Variants in COL1A2 observed in about 807,000 individuals in gnomAD.
COL1A2 encodes collagen alpha-2(I) chain.
COL1A2 carries 49 observed loss-of-function variants against 174.3 expected under a neutral mutation model. The ratio of observed to expected loss-of-function variants is 0.28; its 90% CI spans 0.22 to 0.36. The LOEUF (loss-of-function observed/expected upper bound fraction) is 0.36. COL1A2 is among the 10% of genes least tolerant of loss of function. The probability of loss-of-function intolerance (pLI) is 1.00; values close to 1 mark genes in which losing one functional copy is unlikely to be tolerated. For synonymous variants in COL1A2, 655 were observed against 606.6 expected (o/e 1.08, Z -1.17); for missense variants, 1,438 against 1,822.7 (o/e 0.79, Z 3.84).
At chr7:94,422,243 T>G (rs1330935245) in intron 39 of COL1A2, among the ~76,000 whole-genome samples, 1 of 151,912 alleles carries the variant, frequency 6.6e-6, no homozygotes, top group Non-Finnish European at 1.5e-5. Flanking sequence ...ATATCAGATA[T>G]TTCTATATCT....
chr7:94,409,977 G>T (rs144258737), intron 19 of COL1A2, among the ~76,000 whole-genome samples, 156 bp downstream of exon 19: 2 of 151,842 alleles, frequency 1.3e-5, no homozygotes, highest in South Asian at 4.2e-4. Context: ...GTACACTCCC[G>T]TCTGCTATAT....
chr7:94,428,526 A>G, intron 50 of COL1A2, 49 bp downstream of exon 50: 2 of 1,534,412 alleles, frequency 1.3e-6, no homozygotes, highest in East Asian at 2.3e-5. Flanking sequence ...ATATTTTGGT[A>G]GGACTGTTTG....
In COL1A2 at chr7:94,426,444, G is replaced by A. The variant is rs779934676; in HGVS notation, c.3019G>A (p.Asp1007Asn). The change falls in exon 46 of 52, where the codon GAT becomes AAT. Residue 1007 changes from aspartate (D) to asparagine (N), a missense_variant. Asp to Asn is a conservative substitution (Grantham distance 23). Around this residue, in one of 3 missense-constraint regions of COL1A2, gnomAD observed 867 missense variants for 1,213.7 expected, o/e 0.71. Coordinates refer to ENST00000297268, the MANE Select transcript of COL1A2 (RefSeq NM_000089.4). The stretch of plus-strand genomic sequence containing the variant: ...ATAGGGCCCACAAGGCATTCGTGGC[G>A]ATAAGGGAGAGCCCGGTGAAAAGGG... ...GPSGPQGIRG[D>N]KGEPGEKGPR... is the part of the protein sequence containing the mutation. 2.4e-5 allele frequency: 38 copies of A among 1,602,838 alleles called. No individual in the cohort carries two copies. The highest frequency in any genetic ancestry group is 6.7e-5 in the East Asian group (3 of 44,514).
intron 5 of COL1A2, among the ~76,000 whole-genome samples, chr7:94,401,203 C>T (rs1269744901): frequency 6.6e-6 from 1 of 152,114 alleles, no homozygotes; most frequent in Non-Finnish European, 1.5e-5. Context: ...TCCTCTTGAG[C>T]TCTGTCTAAT....
chr7:94,400,114 G>A lies in COL1A2; in HGVS notation c.133-82G>A, dbSNP rs377483831. On this transcript the variant is annotated intron_variant, in intron 4 of 51. Transcript: ENST00000297268. ...ACCCTACTTGCACATAGAAAGGTCT[G>A]AACAACTGATCTTACCACATATAAT... 5.6e-5 allele frequency: 74 copies of A among 1,326,050 alleles called. No individual in the cohort carries two copies. In the African/African-American group the frequency reaches 9.5e-4, roughly 17 times the overall value. The allele number at this position is 1,326,050 out of a possible 1,614,324, so 82.1% of individuals were successfully genotyped here. A position where few individuals can be genotyped will look rare whatever the true frequency, so the allele number is the denominator to read the frequency against.
rs762706669 is a variant in COL1A2, at chr7:94,399,077, G to A, written c.125G>A (p.Gly42Glu). ...KGPAGDRGPR[G>E]ERGPPGPPGR... The stretch of plus-strand genomic sequence containing the variant: ...CCAGCCGGAGATAGAGGACCACGTG[G>A]AGAAAGGGTGTGTAATTTTTGAACT... The change falls in exon 4 of 52, where the codon GGA becomes GAA. Residue 42 changes from glycine (G) to glutamate (E), a missense_variant. By Grantham distance (98) the Gly-to-Glu change is moderately conservative (BLOSUM62 -2). Around this residue, in one of 3 missense-constraint regions of COL1A2, gnomAD observed 281 missense variants for 310.9 expected, o/e 0.90. Coordinates refer to ENST00000297268, the MANE Select transcript of COL1A2 (RefSeq NM_000089.4). 5 of 1,613,632 alleles carry A rather than the reference G, an allele frequency of 3.1e-6. No homozygotes were observed. Among genetic ancestry groups the A allele is most frequent in the Admixed American group, 1.7e-5 (1 of 60,000 alleles).
intron 15 of COL1A2, 85 bp downstream of exon 15, chr7:94,408,465 A>G: frequency 2.1e-6 from 3 of 1,442,496 alleles, no homozygotes; most frequent in African/African-American, 2.8e-5. Flanking sequence ...ACGAAATAGC[A>G]TCATTTCAGA....
chr7:94,425,546 A>C (rs550659556), intron 42 of COL1A2, 64 bp from the exon 43 acceptor site: 1 of 1,521,718 alleles, frequency 6.6e-7, no homozygotes, highest in East Asian at 2.3e-5. Flanking sequence ...GAGTAGCTAC[A>C]ACATAGGGGC....
intron 15 of COL1A2, among the ~76,000 whole-genome samples, 175 bp downstream of exon 15, chr7:94,408,555 T>C (rs1425608457): frequency 6.6e-6 from 1 of 152,194 alleles, no homozygotes; most frequent in Non-Finnish European, 1.5e-5. Context: ...ACCTGAACTT[T>C]TGATTGATGT....
intron 6 of COL1A2, 90 bp downstream of exon 6, chr7:94,401,710 CTAAGT>C (rs1791693538): frequency 1.1e-6 from 1 of 888,514 alleles, no homozygotes; most frequent in South Asian, 1.4e-5. Context: ...ATTTAGCTAC[CTAAGT>C]TAACACTCAA....
At chr7:94,418,211 A>G (rs1409961551) in intron 32 of COL1A2, among the ~76,000 whole-genome samples, 2 of 152,232 alleles carry the variant, frequency 1.3e-5, no homozygotes, top group Non-Finnish European at 2.9e-5. Context: ...TTGCCTTACA[A>G]TTCTGTCCAC....
At chr7:94,413,570 T>C in intron 26 of COL1A2, 120 bp from the exon 27 acceptor site, 1 of 984,910 alleles carries the variant, frequency 1.0e-6, no homozygotes, top group Middle Eastern at 2.0e-4. Context: ...GAACCCACAA[T>C]GAGTTTAATT....
chr7:94,413,753 T>C lies in COL1A2; in HGVS notation c.1611+10T>C, dbSNP rs2115908396. On this transcript the variant is annotated intron_variant, in intron 27 of 51. Coordinates refer to ENST00000297268, the MANE Select transcript of COL1A2 (RefSeq NM_000089.4). ...ACCTCCTGGACCACAGGTGAGTATT[T>C]CTCCCACTCTTGTGCTCTTCTGCAC... 2 of 1,614,126 alleles carry C rather than the reference T, an allele frequency of 1.2e-6. No homozygotes were observed. Among genetic ancestry groups the C allele is most frequent in the Non-Finnish European group, 1.7e-6 (2 of 1,179,962 alleles).
At chr7:94,397,206 T>A (rs1791601030) in intron 1 of COL1A2, among the ~76,000 whole-genome samples, 1 of 152,162 alleles carries the variant, frequency 6.6e-6, no homozygotes, top group African/African-American at 2.4e-5. Context: ...ATATTAAGAA[T>A]GGTACAAACT....
intron 1 of COL1A2, among the ~76,000 whole-genome samples, chr7:94,396,264 C>T (rs2115846551): frequency 6.6e-6 from 1 of 151,926 alleles, no homozygotes; most frequent in Admixed American, 6.6e-5. Context: ...GTTGTTCCAC[C>T]CACACAGCAC....
Position 94,407,891 on chromosome 7 carries a change from A to G in COL1A2, c.639A>G (p.Thr213=), listed in dbSNP as rs1015392105. ...GTGAAAATGGAACTCCAGGTCAAACAGTAAGTATTGACTACTTCATTGTAA... is the reference window on the plus strand; with the variant it reads ...GTGAAAATGGAACTCCAGGTCAAACGGTAAGTATTGACTACTTCATTGTAA... ...APGENGTPGQ[T]GARGLPGERG... Residue 213 remains threonine (T), a splice_region_variant and synonymous_variant, in exon 13 of 52, where the codon ACA becomes ACG. Transcript: ENST00000297268. The G allele has an allele frequency of 1.5e-5, 24 of 1,612,654 alleles. No individual in the cohort carries two copies. Among genetic ancestry groups the G allele is most frequent in the Non-Finnish European group, 2.0e-5 (24 of 1,178,880 alleles).
chr7:94,413,225 C>A, intron 26 of COL1A2, 89 bp downstream of exon 26: 2 of 1,336,234 alleles, frequency 1.5e-6, no homozygotes, highest in South Asian at 2.4e-5. Context: ...ATCATTTTGT[C>A]ACTTTCTTTT....
chr7:94,429,604 ATACG>A (rs1322261158), intron 51 of COL1A2, 174 bp downstream of exon 51: 3 of 616,942 alleles, frequency 4.9e-6, no homozygotes, highest in Non-Finnish European at 8.2e-6. Flanking sequence ...TTATTTATTT[ATACG>A]TATTAATTTC....
rs999689600 is a variant in COL1A2, at chr7:94,430,982, A to T, written c.*589A>T. 1.3e-5 allele frequency: 2 copies of T among 152,710 alleles called. No individual in the cohort carries two copies. Among genetic ancestry groups the T allele is most frequent in the Admixed American group, 6.5e-5 (1 of 15,274 alleles). The allele number at this position is 152,710 out of a possible 1,614,324, so 9.5% of individuals were successfully genotyped here. ...TATCGTGTGGTGTATTTTTTAAAAA[A>T]TTTGATTTAGCATTCATATTTTCCA... is the stretch of plus-strand genomic sequence containing the variant. On this transcript the variant is annotated 3_prime_UTR_variant, in exon 52 of 52. Coordinates refer to ENST00000297268, the MANE Select transcript of COL1A2 (RefSeq NM_000089.4).
Sources: allele counts gnomAD v4.1 joint callset (sites outside exome capture counted in the v4.1 genomes callset), GRCh38; gene constraint gnomAD v4.1.1; regional missense constraint gnomAD v4.1.1; transcripts MANE v1.5; gene names NCBI Gene and HGNC (gene_info 2026-07-23, HGNC 2026-07-21).